Variants in TTC28 observed in about 807,000 individuals in gnomAD.
The protein encoded by TTC28 is tetratricopeptide repeat protein 28.
In TTC28, 61 loss-of-function variants were observed where a neutral mutation model predicts 198.0. That is an observed-to-expected ratio of 0.31 (90% CI 0.25 to 0.38). The LOEUF (loss-of-function observed/expected upper bound fraction) is 0.38, where lower values mean the gene tolerates loss of function less well. Ranked by LOEUF, TTC28 falls within the 10% of genes least tolerant of loss-of-function variation. The pLI is 1.00. For synonymous variants in TTC28, 1,171 were observed against 1,297.8 expected, an observed-to-expected ratio of 0.90 and a Z score of 2.10; for missense variants, 2,678 against 3,164.0, an observed-to-expected ratio of 0.85 and a Z score of 3.69.
At chr22:28,495,868 T>C (rs534205622) in intron 2 of TTC28, among the ~76,000 whole-genome samples, 1 of 152,242 alleles carries the variant, frequency 6.6e-6, no homozygotes, top group Admixed American at 6.5e-5. Context: ...CAATTTTCTC[T>C]TCCCATCATC....
intron 2 of TTC28, among the ~76,000 whole-genome samples, chr22:28,451,782 A>G (rs2047781643): frequency 6.6e-6 from 1 of 152,184 alleles, no homozygotes; most frequent in African/African-American, 2.4e-5. Context: ...AATGGATTGT[A>G]ATACCTTTGG....
chr22:28,359,460 C>T (rs185317798), intron 2 of TTC28, among the ~76,000 whole-genome samples: 10 of 152,152 alleles, frequency 6.6e-5, no homozygotes, highest in East Asian at 3.9e-4. Context: ...TCCACTTAGC[C>T]CAAATCCAAT....
At chr22:28,440,122 C>A (rs2047595323) in intron 2 of TTC28, among the ~76,000 whole-genome samples, 1 of 152,190 alleles carries the variant, frequency 6.6e-6, no homozygotes, top group African/African-American at 2.4e-5. Context: ...AGGCGTGAGC[C>A]ATCACGACCA....
Position 28,105,469 on chromosome 22 carries a change from G to A in TTC28, c.3117C>T (p.Ala1039=), listed in dbSNP as rs908495860. The A allele has an allele frequency of 6.4e-7, 1 of 1,551,592 alleles. No individual in the cohort carries two copies. Among genetic ancestry groups the A allele is most frequent in the African/African-American group, 1.4e-5 (1 of 73,038 alleles). The change falls in exon 8 of 23, where the codon GCC becomes GCT. Residue 1039 remains alanine (A), a synonymous_variant. Transcript: ENST00000397906. ...CATAAGTCAGGCCCAGGTTCCCATAGGCTCGGCCCTGGCACGTGGGGTTGT... is the reference window on the plus strand; with the variant it reads ...CATAAGTCAGGCCCAGGTTCCCATAAGCTCGGCCCTGGCACGTGGGGTTGT... ...ETNNPTCQGR[A]YGNLGLTYES...
rs1451384728 is a variant in TTC28, at chr22:28,197,520, T to C, written c.934-33921A>G. On this transcript the variant is annotated intron_variant, in intron 5 of 22. Coordinates refer to ENST00000397906, the MANE Select transcript of TTC28 (RefSeq NM_001145418.2). ...AAAAACTAGAAGCAAATGTAAGTGATTACTTCATCTCTAAAATGGGGAAGG... is the reference window on the plus strand; with the variant it reads ...AAAAACTAGAAGCAAATGTAAGTGACTACTTCATCTCTAAAATGGGGAAGG... Among the ~76,000 whole-genome samples, 2 of 151,982 alleles carry C rather than the reference T, an allele frequency of 1.3e-5. 1 individual carries two copies. Among genetic ancestry groups the C allele is most frequent in the Admixed American group, 1.3e-4 (2 of 15,252 alleles).
At chr22:28,533,132 T>A (rs902173856) in intron 2 of TTC28, among the ~76,000 whole-genome samples, 1 of 152,174 alleles carries the variant, frequency 6.6e-6, no homozygotes, top group Non-Finnish European at 1.5e-5. Context: ...TGTTTGTAGA[T>A]GACATGGTTG....
intron 2 of TTC28, among the ~76,000 whole-genome samples, chr22:28,590,422 C>T (rs915626875): frequency 2.0e-5 from 3 of 152,086 alleles, no homozygotes; most frequent in African/African-American, 4.8e-5. Context: ...AGCCACCACG[C>T]CCAGCCTCCA....
chr22:28,634,592 C>CTT (rs1188701528), intron 1 of TTC28, among the ~76,000 whole-genome samples: 1 of 128,480 alleles, frequency 7.8e-6, no homozygotes, highest in African/African-American at 2.8e-5. Flanking sequence ...TCTTTTTTTT[C>CTT]TTTTTTTTTT....
At chr22:28,357,713 G>A (rs1253835496) in intron 2 of TTC28, among the ~76,000 whole-genome samples, 1 of 152,084 alleles carries the variant, frequency 6.6e-6, no homozygotes, top group Non-Finnish European at 1.5e-5. Flanking sequence ...TAGTCTAAGA[G>A]AACAGAAAGA....
At chr22:28,287,592 A>T (rs530265680) in intron 5 of TTC28, among the ~76,000 whole-genome samples, 4 of 152,322 alleles carry the variant, frequency 2.6e-5, no homozygotes, top group Admixed American at 6.5e-5. Context: ...GACCAGAAAG[A>T]GCAAAGGTAC....
At chr22:28,246,847 A>C (rs1334772806) in intron 5 of TTC28, among the ~76,000 whole-genome samples, 1 of 152,140 alleles carries the variant, frequency 6.6e-6, no homozygotes, top group Admixed American at 6.6e-5. Context: ...AATTCGTAAA[A>C]ATAAGGCAGA....
At chr22:28,003,922 G>A (rs1314769198) in intron 14 of TTC28, among the ~76,000 whole-genome samples, 1 of 152,216 alleles carries the variant, frequency 6.6e-6, no homozygotes, top group African/African-American at 2.4e-5. Flanking sequence ...CCACTGAGTG[G>A]TGTCCGTCAT....
intron 2 of TTC28, among the ~76,000 whole-genome samples, chr22:28,355,439 A>G (rs954506205): frequency 2.6e-5 from 4 of 152,200 alleles, no homozygotes; most frequent in Non-Finnish European, 5.9e-5. Context: ...CTTTTTAAAA[A>G]AGAAGAATCA....
At chr22:28,347,906 C>A (rs544930740) in intron 2 of TTC28, among the ~76,000 whole-genome samples, 1 of 152,350 alleles carries the variant, frequency 6.6e-6, no homozygotes, top group South Asian at 2.1e-4. Context: ...CGCTGTCTTA[C>A]ATATTTTGAG....
intron 2 of TTC28, among the ~76,000 whole-genome samples, chr22:28,445,620 C>G (rs543352239): frequency 6.6e-6 from 1 of 152,274 alleles, no homozygotes; most frequent in East Asian, 1.9e-4. Context: ...ATACTGCCCT[C>G]TCACTGTCCC....
chr22:28,069,925 A>AACACAC (rs60436240), intron 12 of TTC28, among the ~76,000 whole-genome samples: 3,350 of 142,080 alleles, frequency 0.024, 65 homozygotes, highest in East Asian at 0.061. Flanking sequence ...AGGTTGTACA[A>AACACAC]ACACACACAC....
intron 12 of TTC28, among the ~76,000 whole-genome samples, chr22:28,035,811 A>G (rs1206437323): frequency 2.0e-5 from 3 of 152,216 alleles, no homozygotes; most frequent in African/African-American, 4.8e-5. Flanking sequence ...AGCCTGGGCT[A>G]AAGAAAAACA....
At position 28,138,026 on chromosome 22, in the gene TTC28, T is replaced by TA. The variant is rs149566216; in HGVS notation, c.1441+25065dup. Among the ~76,000 whole-genome samples the TA allele has an allele frequency of 9.0e-3, 1,359 of 151,428 alleles. 20 individuals carry two copies. Among genetic ancestry groups the TA allele is most frequent in the African/African-American group, 0.03 (1,229 of 41,286 alleles). On this transcript the variant is annotated intron_variant, in intron 6 of 22. Coordinates refer to ENST00000397906, the MANE Select transcript of TTC28 (RefSeq NM_001145418.2). ...GCGAAACTCCGTTGTTGTTTTTTTT[T>TA]AAAAAAAAGGAATATAGCCACTATG...
chr22:28,191,570 A>C (rs189028384), intron 5 of TTC28, among the ~76,000 whole-genome samples: 1 of 152,354 alleles, frequency 6.6e-6, no homozygotes. Context: ...TGGCACCTGG[A>C]AAATCGGGTC....
Sources: allele counts gnomAD v4.1 joint callset (sites outside exome capture counted in the v4.1 genomes callset), GRCh38; gene constraint gnomAD v4.1.1; transcripts MANE v1.5; gene names NCBI Gene and HGNC (gene_info 2026-07-23, HGNC 2026-07-21).